Variants in GABRB1 observed in about 807,000 individuals in gnomAD.
GABRB1 encodes the protein gamma-aminobutyric acid receptor subunit beta-1.
In GABRB1, 17 loss-of-function variants were observed where a neutral mutation model predicts 51.6. The ratio of observed to expected loss-of-function variants is 0.33; its 90% CI spans 0.23 to 0.49. GABRB1 has a LOEUF of 0.49. GABRB1 is among the 20% of genes least tolerant of loss of function. The pLI, the probability that GABRB1 is intolerant of heterozygous loss-of-function variation, is 0.99. For missense variants in GABRB1, 410 were observed against 600.6 expected (o/e 0.68, Z 3.32); for synonymous variants, 247 against 218.9 (o/e 1.13, Z -1.14).
intron 4 of GABRB1, among the ~76,000 whole-genome samples, chr4:47,302,530 C>G (rs1724299090): frequency 1.3e-5 from 2 of 151,752 alleles, no homozygotes; most frequent in African/African-American, 4.8e-5. Flanking sequence ...ATTCAAGAAT[C>G]CTTTGCTGTG....
chr4:47,400,225 TA>T (rs1165320440), intron 5 of GABRB1, among the ~76,000 whole-genome samples: 1 of 152,206 alleles, frequency 6.6e-6, no homozygotes, highest in Non-Finnish European at 1.5e-5. Context: ...AGTTTTAGAA[TA>T]AAAAGTTGCC....
intron 4 of GABRB1, among the ~76,000 whole-genome samples, chr4:47,234,824 C>T (rs1560596819): frequency 1.3e-5 from 2 of 152,192 alleles, no homozygotes; most frequent in African/African-American, 2.4e-5. Flanking sequence ...GACATTGCCA[C>T]ATCTCTTCTT....
At chr4:47,011,245 C>A (rs1724574204) in intron 1 of GABRB1, among the ~76,000 whole-genome samples, 1 of 152,070 alleles carries the variant, frequency 6.6e-6, no homozygotes, top group South Asian at 2.1e-4. Context: ...AAGACCTCAC[C>A]TTATCATTGT....
At chr4:47,023,013 T>C (rs1724971589) in intron 1 of GABRB1, among the ~76,000 whole-genome samples, 1 of 152,018 alleles carries the variant, frequency 6.6e-6, no homozygotes, top group Non-Finnish European at 1.5e-5. Context: ...TGAGAGCCAA[T>C]CATTTGCAAC....
chr4:47,167,525 C>T (rs993524638), intron 4 of GABRB1, among the ~76,000 whole-genome samples: 1 of 152,008 alleles, frequency 6.6e-6, no homozygotes, highest in Non-Finnish European at 1.5e-5. Flanking sequence ...AGCCCAGGGC[C>T]AGGTGGTTTT....
intron 3 of GABRB1, among the ~76,000 whole-genome samples, chr4:47,109,245 T>G (rs898152720): frequency 2.0e-5 from 3 of 152,042 alleles, no homozygotes; most frequent in Non-Finnish European, 4.4e-5. Flanking sequence ...ACATCATTGG[T>G]GGCTTATGAA....
intron 3 of GABRB1, among the ~76,000 whole-genome samples, chr4:47,113,109 G>C (rs1715302088): frequency 6.6e-6 from 1 of 152,082 alleles, no homozygotes; most frequent in South Asian, 2.1e-4. Context: ...ATCAGGGCCG[G>C]GTGCAGTGGT....
At position 47,243,972 on chromosome 4, in the gene GABRB1, G is replaced by A. The variant is rs572186040; in HGVS notation, c.462-76155G>A. Among the ~76,000 whole-genome samples the A allele has an allele frequency of 7.3e-3, 1,113 of 152,246 alleles. 9 individuals are homozygous for A. The highest frequency in any genetic ancestry group is 0.025 in the African/African-American group (1,055 of 41,530). ...TCCCTGTCTTGTGCCAGTTTTCAAA[G>A]GGAATGCTTCCAGTTTTTGCCCATT... is the stretch of plus-strand genomic sequence containing the variant. On this transcript the variant is annotated intron_variant, in intron 4 of 8. Transcript: ENST00000295454.
At chr4:47,378,692 G>A (rs906028674) in intron 5 of GABRB1, among the ~76,000 whole-genome samples, 3 of 152,152 alleles carry the variant, frequency 2.0e-5, no homozygotes, top group Non-Finnish European at 4.4e-5. Flanking sequence ...CACCATGTTG[G>A]CCAGGCTGGT....
At chr4:47,376,364 G>A (rs1727374649) in intron 5 of GABRB1, among the ~76,000 whole-genome samples, 1 of 152,180 alleles carries the variant, frequency 6.6e-6, no homozygotes. Context: ...AGCCATAGAT[G>A]GGCCGGGCGC....
chr4:47,200,598 A>G (rs1719861732), intron 4 of GABRB1, among the ~76,000 whole-genome samples: 1 of 152,184 alleles, frequency 6.6e-6, no homozygotes, highest in Admixed American at 6.6e-5. Flanking sequence ...TATATTGTGG[A>G]AGTGACTGCT....
At chr4:47,390,390 A>G (rs1727944131) in intron 5 of GABRB1, among the ~76,000 whole-genome samples, 1 of 152,236 alleles carries the variant, frequency 6.6e-6, no homozygotes, top group Non-Finnish European at 1.5e-5. Flanking sequence ...TACGTACAAG[A>G]CTAGACCATC....
At chr4:47,357,326 A>G (rs756923343) in intron 5 of GABRB1, among the ~76,000 whole-genome samples, 5 of 152,202 alleles carry the variant, frequency 3.3e-5, no homozygotes, top group Non-Finnish European at 5.9e-5. Context: ...TGTAAAAACC[A>G]GAAGTGAAGA....
chr4:47,306,389 T>G (rs151228047), intron 4 of GABRB1, among the ~76,000 whole-genome samples: 1 of 145,852 alleles, frequency 6.9e-6, no homozygotes, highest in Non-Finnish European at 1.5e-5. Context: ...GGGGTAGAGA[T>G]AGAAGGTGCG....
At chr4:47,295,991 T>C (rs1723976420) in intron 4 of GABRB1, among the ~76,000 whole-genome samples, 1 of 152,054 alleles carries the variant, frequency 6.6e-6, no homozygotes, top group African/African-American at 2.4e-5. Flanking sequence ...ACCCAGAATT[T>C]CATATCCAGC....
intron 5 of GABRB1, among the ~76,000 whole-genome samples, chr4:47,329,414 T>TAA (rs1456924674): frequency 1.3e-5 from 2 of 148,958 alleles, no homozygotes; most frequent in Non-Finnish European, 3.0e-5. Flanking sequence ...TAATTTAATG[T>TAA]AAAATACAGC....
At chr4:47,023,296 A>C (rs983389085) in intron 1 of GABRB1, among the ~76,000 whole-genome samples, 3 of 152,062 alleles carry the variant, frequency 2.0e-5, no homozygotes, top group African/African-American at 7.2e-5. Context: ...TAATAATTTA[A>C]ATGTACATTT....
intron 5 of GABRB1, among the ~76,000 whole-genome samples, chr4:47,368,574 G>A (rs1378203141): frequency 6.6e-6 from 1 of 152,026 alleles, no homozygotes; most frequent in Non-Finnish European, 1.5e-5. Flanking sequence ...CTTGCTCTAG[G>A]ACAATTCTAA....
At chr4:47,028,391 C>T (rs1037922370), upstream of GABRB1, among the ~76,000 whole-genome samples, 1 of 151,782 alleles carries the variant, frequency 6.6e-6, no homozygotes, top group Non-Finnish European at 1.5e-5. Flanking sequence ...AGTCACCCTA[C>T]TCTGCTATCA....
Sources: allele counts gnomAD v4.1 joint callset (sites outside exome capture counted in the v4.1 genomes callset), GRCh38; gene constraint gnomAD v4.1.1; transcripts MANE v1.5; gene names NCBI Gene and HGNC (gene_info 2026-07-23, HGNC 2026-07-21).